Variants in SLC15A2 observed in about 807,000 individuals in gnomAD.
SLC15A2 encodes the protein kidney H(+)/peptide cotransporter.
Under a neutral mutation model 95.5 loss-of-function variants are expected in SLC15A2, and 77 were observed. That is an observed-to-expected ratio of 0.81 (90% CI 0.67 to 0.97). SLC15A2 has a LOEUF of 0.97. Among genes scored for constraint, SLC15A2 ranks in the 50% least tolerant of loss-of-function variants. SLC15A2 has a pLI of 0.00. For synonymous variants in SLC15A2, 306 were observed against 306.9 expected (o/e 1.00, Z 0.03); for missense variants, 893 against 874.4 (o/e 1.02, Z -0.27).
In SLC15A2 at chr3:121,922,230, A is replaced by G; in HGVS notation, c.708A>G (p.Ala236=). Residue 236 remains alanine, a synonymous_variant, in exon 8 of 22, where the codon GCA becomes GCG. Coordinates refer to ENST00000489711, the MANE Select transcript of SLC15A2 (RefSeq NM_021082.4). The part of the protein sequence containing the change: ...LLMVIALVVF[A]MGSKIYNKPP... ...GTGTATCAACTGCAGTTGTGTTTGC[A>G]ATGGGAAGCAAAATATACAATAAAC... 2 of 1,613,756 alleles carry G rather than the reference A, an allele frequency of 1.2e-6. No individual in the cohort carries two copies. The highest frequency in any genetic ancestry group is 1.6e-4 in the Middle Eastern group (1 of 6,062).
At chr3:121,940,071 G>A (rs772423261) in intron 20 of SLC15A2, among the ~76,000 whole-genome samples, 3 of 152,090 alleles carry the variant, frequency 2.0e-5, no homozygotes, top group African/African-American at 7.2e-5. Flanking sequence ...CTCCCAAAGT[G>A]CTAGGATTAC....
chr3:121,900,549 A>G (rs1439003741), intron 3 of SLC15A2, among the ~76,000 whole-genome samples: 2 of 152,102 alleles, frequency 1.3e-5, no homozygotes, highest in African/African-American at 2.4e-5. Flanking sequence ...TCTCACTCCA[A>G]CTGACTTTTC....
At chr3:121,896,618 G>A (rs1709418337) in intron 2 of SLC15A2, 125 bp downstream of exon 2, 6 of 755,816 alleles carry the variant, frequency 7.9e-6, no homozygotes, top group African/African-American at 1.7e-5. Flanking sequence ...GGTCCAAATT[G>A]GTCCTTTACT....
At chr3:121,935,373 G>A (rs1241732893) in intron 19 of SLC15A2, among the ~76,000 whole-genome samples, 5 of 152,114 alleles carry the variant, frequency 3.3e-5, no homozygotes, top group East Asian at 1.9e-4. Flanking sequence ...GGTAGAATTC[G>A]GCTGTGAATC....
At chr3:121,934,243 C>T (rs1046292516) in intron 19 of SLC15A2, among the ~76,000 whole-genome samples, 459 of 152,190 alleles carry the variant, frequency 3.0e-3, no homozygotes, top group Non-Finnish European at 4.5e-3. Context: ...CTTGGCAATG[C>T]GGGCTCTTTT....
At chr3:121,921,521 T>C (rs1361103392) in intron 7 of SLC15A2, among the ~76,000 whole-genome samples, 2 of 152,284 alleles carry the variant, frequency 1.3e-5, no homozygotes, top group Non-Finnish European at 2.9e-5. Flanking sequence ...TCAAGCTAAA[T>C]CAATTAATGT....
At chr3:121,931,207 T>C (rs1217519994) in intron 18 of SLC15A2, among the ~76,000 whole-genome samples, 1 of 152,204 alleles carries the variant, frequency 6.6e-6, no homozygotes, top group East Asian at 1.9e-4. Context: ...ACAGTCCGTC[T>C]CTGTGAGTTT....
chr3:121,924,299 T>G, intron 11 of SLC15A2, 52 bp from the exon 12 acceptor site: 3 of 1,518,964 alleles, frequency 2.0e-6, no homozygotes, highest in Non-Finnish European at 2.7e-6. Context: ...GGCCAACATT[T>G]TTTTTTCTTT....
chr3:121,903,693 C>T (rs1190802010), intron 3 of SLC15A2, among the ~76,000 whole-genome samples: 1 of 152,128 alleles, frequency 6.6e-6, no homozygotes, highest in Non-Finnish European at 1.5e-5. Context: ...GGCCTCTGTT[C>T]TGTTCCATTG....
At chr3:121,895,433 A>G (rs1709398304) in intron 1 of SLC15A2, 2 of 152,202 alleles carry the variant, frequency 1.3e-5, no homozygotes, top group African/African-American at 4.8e-5. Flanking sequence ...AAAATATATT[A>G]ATATTTAGGA....
intron 3 of SLC15A2, among the ~76,000 whole-genome samples, chr3:121,898,336 T>C (rs1709460413): frequency 6.6e-6 from 1 of 152,174 alleles, no homozygotes; most frequent in African/African-American, 2.4e-5. Flanking sequence ...TTCCTTCTTA[T>C]GAATCTAATA....
Position 121,939,501 on chromosome 3 carries a change from T to G in SLC15A2, c.1908+6T>G. 2 of 1,485,984 alleles carry G rather than the reference T, an allele frequency of 1.3e-6. No homozygotes were observed. The highest frequency in any genetic ancestry group is 1.8e-6 in the Non-Finnish European group (2 of 1,116,546). 92.0% of individuals were successfully genotyped at this position (1,485,984 alleles called of 1,614,324 possible). A position where few individuals can be genotyped will look rare whatever the true frequency, so the allele number is the denominator to read the frequency against. On this transcript the variant is annotated splice_donor_region_variant and intron_variant, in intron 20 of 21. Coordinates refer to ENST00000489711, the MANE Select transcript of SLC15A2 (RefSeq NM_021082.4). Reference sequence around the variant, plus strand: ...TTGAGTTTTCTTATTCTCAGGTAAGTTTTTGCAAATAGAAGGTAGAAATTG... The same window carrying G: ...TTGAGTTTTCTTATTCTCAGGTAAGGTTTTGCAAATAGAAGGTAGAAATTG...
At chr3:121,912,809 A>T (rs1228684502) in intron 4 of SLC15A2, among the ~76,000 whole-genome samples, 1 of 152,172 alleles carries the variant, frequency 6.6e-6, no homozygotes, top group African/African-American at 2.4e-5. Context: ...CACATAATGC[A>T]TACTTTCTTG....
chr3:121,930,609 T>C lies in SLC15A2; in HGVS notation c.1554-231T>C, dbSNP rs138031510. On this transcript the variant is annotated intron_variant, in intron 17 of 21. Transcript: ENST00000489711. ...AGAGGTCTGGTGAGGATGTGGCAGA[T>C]AAAAGTTCAAGAAAAAGAAACTTAG... is the stretch of plus-strand genomic sequence containing the variant. 2.7e-3 allele frequency among the ~76,000 whole-genome samples: 418 copies of C among 152,250 alleles called. 5 individuals carry two copies. The highest frequency in any genetic ancestry group is 7.6e-4 in the Non-Finnish European group (52 of 68,004).
chr3:121,914,503 C>G (rs148191308), intron 5 of SLC15A2, among the ~76,000 whole-genome samples: 27 of 152,300 alleles, frequency 1.8e-4, no homozygotes, highest in African/African-American at 5.8e-4. Context: ...ACTAGGTGAA[C>G]TATCCTCCTT....
intron 3 of SLC15A2, among the ~76,000 whole-genome samples, chr3:121,910,783 A>G (rs1709751041): frequency 6.6e-6 from 1 of 152,200 alleles, no homozygotes; most frequent in Admixed American, 6.5e-5. Context: ...TATATGTTGT[A>G]GTGCGCCATA....
intron 19 of SLC15A2, among the ~76,000 whole-genome samples, chr3:121,934,960 G>A (rs1023103805): frequency 2.7e-4 from 39 of 145,502 alleles, no homozygotes; most frequent in Non-Finnish European, 4.6e-5. Flanking sequence ...TTTATTGAGA[G>A]TTTTTAGCAT....
intron 4 of SLC15A2, among the ~76,000 whole-genome samples, chr3:121,912,779 T>A (rs1381576114): frequency 6.6e-6 from 1 of 152,188 alleles, no homozygotes; most frequent in Non-Finnish European, 1.5e-5. Flanking sequence ...TAAATGGAAC[T>A]ACCAGGGATG....
At position 121,917,016 on chromosome 3, in the gene SLC15A2, T is replaced by A. The variant is rs529472292; in HGVS notation, c.697+1323T>A. Among the ~76,000 whole-genome samples, 211 of 152,162 alleles carry A rather than the reference T, an allele frequency of 1.4e-3. 1 individual carries two copies. The highest frequency in any genetic ancestry group is 4.7e-3 in the African/African-American group (196 of 41,536). ...TTTGTATTTTTAGTAGAGACAGGGT[T>A]TCACCGTGTTAGCCAGGATGGTCTC... On this transcript the variant is annotated intron_variant, in intron 7 of 21. Transcript: ENST00000489711.
Sources: allele counts gnomAD v4.1 joint callset (sites outside exome capture counted in the v4.1 genomes callset), GRCh38; gene constraint gnomAD v4.1.1; transcripts MANE v1.5; gene names NCBI Gene and HGNC (gene_info 2026-07-23, HGNC 2026-07-21).